The following KCNN2 variants were observed in gnomAD, a reference collection of about 807,000 sequenced individuals.
The protein encoded by KCNN2 is small conductance calcium-activated potassium channel protein 2.
KCNN2 carries 24 observed loss-of-function variants against 55.5 expected under a neutral mutation model. That is an observed-to-expected ratio of 0.43 (90% CI 0.31 to 0.61). The LOEUF (loss-of-function observed/expected upper bound fraction) is 0.61, where lower values mean the gene tolerates loss of function less well. KCNN2 is among the 20% of genes least tolerant of loss of function. The probability of loss-of-function intolerance (pLI) is 0.08; values close to 1 mark genes in which losing one functional copy is unlikely to be tolerated. For missense variants in KCNN2, 754 were observed against 853.6 expected (o/e 0.88, Z 1.45); for synonymous variants, 431 against 336.1 (o/e 1.28, Z -3.09).
intron 1 of KCNN2, among the ~76,000 whole-genome samples, chr5:114,203,345 A>C (rs1753711567): frequency 6.6e-6 from 1 of 152,160 alleles, no homozygotes; most frequent in Non-Finnish European, 1.5e-5. Context: ...ACAAGATTCT[A>C]ATGTCCTGAT....
At chr5:114,122,481 C>T (rs1751846178) in intron 1 of KCNN2, among the ~76,000 whole-genome samples, 3 of 152,054 alleles carry the variant, frequency 2.0e-5, no homozygotes, top group Admixed American at 1.3e-4. Context: ...ATCACTATAC[C>T]TTATACGAGC....
intron 2 of KCNN2, among the ~76,000 whole-genome samples, chr5:114,364,390 G>GT (rs1353769332): frequency 1.3e-5 from 2 of 152,080 alleles, no homozygotes; most frequent in East Asian, 3.9e-4. Context: ...ATGGGAGATT[G>GT]TATCTATCTA....
chr5:114,126,530 A>G (rs906515720), intron 1 of KCNN2, among the ~76,000 whole-genome samples: 7 of 152,140 alleles, frequency 4.6e-5, no homozygotes, highest in Admixed American at 1.3e-4. Flanking sequence ...GCATGATTCA[A>G]TTATCTCCAC....
chr5:114,256,486 A>G lies in KCNN2; in HGVS notation c.-185+34921A>G, dbSNP rs568498819. On this transcript the variant is annotated intron_variant, in intron 2 of 10. Transcript: ENST00000512097. ...GTCCATAGATGTTGTACTAATTTAC[A>G]TTTCCATCAGTGTTGTATGTGTTTC... 3.3e-5 allele frequency among the ~76,000 whole-genome samples: 5 copies of G among 152,216 alleles called. No individual in the cohort carries two copies. In the South Asian group the frequency reaches 1.0e-3, roughly 32 times the overall value.
chr5:114,439,832 A>C (rs549065955), intron 3 of KCNN2, among the ~76,000 whole-genome samples: 1 of 152,306 alleles, frequency 6.6e-6, no homozygotes, highest in South Asian at 2.1e-4. Context: ...GTGCTTGGTG[A>C]GGTTATAGGG....
intron 1 of KCNN2, among the ~76,000 whole-genome samples, chr5:114,104,675 A>G (rs953574506): frequency 2.0e-5 from 3 of 152,094 alleles, no homozygotes; most frequent in Admixed American, 6.6e-5. Flanking sequence ...CAAATATACA[A>G]GAATGATAAA....
At chr5:114,155,147 T>C (rs1752604281) in intron 1 of KCNN2, among the ~76,000 whole-genome samples, 1 of 151,740 alleles carries the variant, frequency 6.6e-6, no homozygotes, top group African/African-American at 2.4e-5. Context: ...TATTTGGTTT[T>C]CTGTTCCTGT....
chr5:114,170,393 G>T (rs929265133), intron 1 of KCNN2, among the ~76,000 whole-genome samples: 2 of 152,020 alleles, frequency 1.3e-5, no homozygotes, highest in African/African-American at 4.8e-5. Context: ...GTGGCATAAT[G>T]TTAATGACTA....
At chr5:114,251,880 CTTTTTTT>C (rs200692821) in intron 2 of KCNN2, among the ~76,000 whole-genome samples, 1 of 133,338 alleles carries the variant, frequency 7.5e-6, no homozygotes, top group East Asian at 2.1e-4. Context: ...TTTTCTTTTT[CTTTTTTT>C]TTTTTTTTTG....
intron 2 of KCNN2, among the ~76,000 whole-genome samples, chr5:114,275,185 G>C (rs1330597691): frequency 6.6e-6 from 1 of 152,104 alleles, no homozygotes; most frequent in Non-Finnish European, 1.5e-5. Context: ...GGATGAAGCT[G>C]ACTTGATCGT....
intron 1 of KCNN2, among the ~76,000 whole-genome samples, chr5:114,124,588 T>C (rs1405288251): frequency 1.3e-5 from 2 of 152,208 alleles, no homozygotes; most frequent in African/African-American, 4.8e-5. Flanking sequence ...CCACATTACC[T>C]GTCTGACCTC....
intron 2 of KCNN2, among the ~76,000 whole-genome samples, chr5:114,323,425 T>C (rs1026394457): frequency 2.0e-5 from 3 of 152,132 alleles, no homozygotes; most frequent in African/African-American, 7.2e-5. Flanking sequence ...TTATCATGAG[T>C]TGACATTTCA....
Position 114,160,043 on chromosome 5 carries a change from T to C in KCNN2, c.-270-61437T>C, listed in dbSNP as rs1245173690. Among the ~76,000 whole-genome samples the C allele has an allele frequency of 3.3e-5, 5 of 152,308 alleles. No individual in the cohort carries two copies. The East Asian group carries it at 5.8e-4, about 18-fold the overall frequency. The stretch of plus-strand genomic sequence containing the variant: ...ATGTTAGTTATTTCTTGCCTTCTGC[T>C]AGCTTTTGAATGTGTTTGCTCTTGC... On this transcript the variant is annotated intron_variant, in intron 1 of 10. Transcript: ENST00000512097.
At chr5:114,136,812 A>G (rs1046614645) in intron 1 of KCNN2, among the ~76,000 whole-genome samples, 1 of 152,210 alleles carries the variant, frequency 6.6e-6, no homozygotes, top group Non-Finnish European at 1.5e-5. Context: ...ACTTAATTAT[A>G]TTAAGTGAGA....
At chr5:114,138,927 C>T (rs1752221425) in intron 1 of KCNN2, among the ~76,000 whole-genome samples, 1 of 152,088 alleles carries the variant, frequency 6.6e-6, no homozygotes, top group Non-Finnish European at 1.5e-5. Context: ...TTTCTGGTCA[C>T]ACGTTATGGC....
At chr5:114,411,586 A>G (rs1759136510) in intron 3 of KCNN2, among the ~76,000 whole-genome samples, 1 of 152,178 alleles carries the variant, frequency 6.6e-6, no homozygotes, top group African/African-American at 2.4e-5. Context: ...AAAGGCTGGA[A>G]TGCCTGAAGT....
chr5:114,308,909 A>G (rs537552684), intron 2 of KCNN2, among the ~76,000 whole-genome samples: 2 of 152,228 alleles, frequency 1.3e-5, no homozygotes, highest in Non-Finnish European at 2.9e-5. Flanking sequence ...GCTAATAATT[A>G]TAATGTATAG....
intron 3 of KCNN2, among the ~76,000 whole-genome samples, chr5:114,429,655 G>A (rs1283266685): frequency 6.6e-6 from 1 of 151,932 alleles, no homozygotes; most frequent in Non-Finnish European, 1.5e-5. Context: ...CTTTGGAGTT[G>A]TATCTAAAAA....
intron 3 of KCNN2, among the ~76,000 whole-genome samples, chr5:114,443,615 T>C (rs111385044): frequency 0.046 from 7,079 of 152,302 alleles, 515 homozygotes; most frequent in African/African-American, 0.16. Context: ...ATAAGTGGAT[T>C]TTACTAAAAT....
Sources: gnomAD v4.1 joint callset for allele counts (sites outside exome capture counted in the v4.1 genomes callset) on GRCh38, gnomAD v4.1.1 for gene constraint, MANE v1.5 for transcripts, NCBI Gene and HGNC (gene_info 2026-07-23, HGNC 2026-07-21) for gene names.